CCT6B: variants seen among roughly 807,000 people sequenced by gnomAD.
The protein encoded by CCT6B is chaperonin containing TCP1 subunit 6B, also known as probable T-complex protein 1 subunit zeta-2.
In CCT6B, 49 loss-of-function variants were observed where a neutral mutation model predicts 61.5. The ratio of observed to expected loss-of-function variants is 0.80; its 90% CI spans 0.63 to 1.01. CCT6B has a LOEUF of 1.01. Among genes scored for constraint, CCT6B ranks in the 50% least tolerant of loss-of-function variants. The pLI is 0.00. For synonymous variants in CCT6B, 228 were observed against 214.5 expected (o/e 1.06, Z -0.55); for missense variants, 666 against 634.7 (o/e 1.05, Z -0.53).
At chr17:34,961,195 G>C (rs762826284) in intron 1 of CCT6B, 62 bp downstream of exon 1, 1 of 1,533,664 alleles carries the variant, frequency 6.5e-7, no homozygotes, top group Admixed American at 2.0e-5. Context: ...GCCTGCCTCA[G>C]AGGGCGACAG....
At chr17:34,952,893 T>C (rs1197231322) in intron 4 of CCT6B, among the ~76,000 whole-genome samples, 1 of 152,232 alleles carries the variant, frequency 6.6e-6, no homozygotes, top group Admixed American at 6.5e-5. Context: ...AGAATATCAC[T>C]GTTTCTGTAA....
chr17:34,930,318 C>T (rs1198366868), intron 12 of CCT6B, among the ~76,000 whole-genome samples: 3 of 152,112 alleles, frequency 2.0e-5, no homozygotes, highest in African/African-American at 7.2e-5. Flanking sequence ...CAAAATTGCT[C>T]CCTGCTCCTC....
chr17:34,938,281 A>G (rs2090117238), intron 10 of CCT6B, among the ~76,000 whole-genome samples: 1 of 152,140 alleles, frequency 6.6e-6, no homozygotes, highest in African/African-American at 2.4e-5. Context: ...GATGCTCAAC[A>G]TGGGCTGAAT....
intron 4 of CCT6B, among the ~76,000 whole-genome samples, chr17:34,953,814 C>T (rs1271082944): frequency 6.6e-6 from 1 of 151,784 alleles, no homozygotes; most frequent in South Asian, 2.1e-4. Flanking sequence ...ATTAGCCAGG[C>T]GTGGTGGCAC....
chr17:34,958,529 A>T, intron 3 of CCT6B, 31 bp downstream of exon 3: 1 of 1,376,980 alleles, frequency 7.3e-7, no homozygotes, highest in Non-Finnish European at 9.6e-7. Context: ...TTGCCATTCA[A>T]AATAACATAT....
Position 34,928,132 on chromosome 17 carries a change from G to A in CCT6B, c.1524-15C>T, listed in dbSNP as rs373112602. ...CAATCACTGTGCTAAGGAAAAAGAT[G>A]AGAGGGTGAGTAAAGCCTACTAACC... On this transcript the variant is annotated splice_polypyrimidine_tract_variant and intron_variant, in intron 13 of 13. Coordinates refer to ENST00000314144, the MANE Select transcript of CCT6B (RefSeq NM_006584.4). 5.5e-5 allele frequency: 87 copies of A among 1,587,714 alleles called. 1 individual carries two copies. Among genetic ancestry groups the A allele is most frequent in the East Asian group, 6.8e-5 (3 of 44,392 alleles).
chr17:34,933,639 T>G (rs113457777), intron 10 of CCT6B, among the ~76,000 whole-genome samples: 1 of 152,198 alleles, frequency 6.6e-6, no homozygotes, highest in Non-Finnish European at 1.5e-5. Flanking sequence ...AATGTATCCA[T>G]GTACCTACCA....
At chr17:34,949,104 A>AAGAAAAGAAT (rs1567670657) in intron 5 of CCT6B, among the ~76,000 whole-genome samples, 3 of 69,982 alleles carry the variant, frequency 4.3e-5, no homozygotes, top group Non-Finnish European at 3.3e-5. Context: ...GGGAAAAGAA[A>AAGAAAAGAAT]AGAGAAAAGA....
intron 10 of CCT6B, among the ~76,000 whole-genome samples, chr17:34,932,809 T>G (rs537956906): frequency 3.3e-5 from 5 of 151,992 alleles, no homozygotes; most frequent in Non-Finnish European, 7.4e-5. Flanking sequence ...TGAGATGGAG[T>G]TTTACTCCAT....
intron 3 of CCT6B, among the ~76,000 whole-genome samples, chr17:34,956,973 AT>A (rs113973307): frequency 0.032 from 4,664 of 147,940 alleles, 88 homozygotes; most frequent in East Asian, 0.099. Flanking sequence ...ACCAAGCCTA[AT>A]TTTTTTTTAT....
chr17:34,931,593 C>T (rs1214090047), intron 11 of CCT6B, among the ~76,000 whole-genome samples: 2 of 152,100 alleles, frequency 1.3e-5, no homozygotes, highest in Admixed American at 1.3e-4. Context: ...GAAAAAGGTA[C>T]CACCAATGTA....
intron 11 of CCT6B, 26 bp from the exon 12 acceptor site, chr17:34,931,077 T>A (rs997027655): frequency 2.6e-6 from 2 of 782,518 alleles, no homozygotes; most frequent in African/African-American, 1.8e-5. Context: ...TAATAATATA[T>A]ATTATATATA....
chr17:34,956,331 C>A (rs2090347165), intron 3 of CCT6B, among the ~76,000 whole-genome samples: 1 of 152,188 alleles, frequency 6.6e-6, no homozygotes, highest in African/African-American at 2.4e-5. Flanking sequence ...ACCCCTTGCT[C>A]TTTTGTCTGG....
At chr17:34,946,060 G>T (rs1465839990) in intron 5 of CCT6B, among the ~76,000 whole-genome samples, 1 of 152,162 alleles carries the variant, frequency 6.6e-6, no homozygotes, top group East Asian at 1.9e-4. Flanking sequence ...GAACCACAAA[G>T]GGCTACATAC....
chr17:34,939,602 C>T lies in CCT6B; in HGVS notation c.1065+15G>A, dbSNP rs760714484. ...TAGTATTCACTTTATAACCACTGTT[C>T]ATAGAAATACTCACTAATGTATACT... On this transcript the variant is annotated intron_variant, in intron 9 of 13. Coordinates refer to ENST00000314144, the MANE Select transcript of CCT6B (RefSeq NM_006584.4). 1 of 1,482,848 alleles carries T rather than the reference C, an allele frequency of 6.7e-7. No homozygotes were observed. The highest frequency in any genetic ancestry group is 1.7e-5 in the Admixed American group (1 of 59,676). 91.9% of individuals were successfully genotyped at this position (1,482,848 alleles called of 1,614,324 possible).
At chr17:34,960,560 ACTCTACCACATCCGT>A (rs1326934026) in intron 1 of CCT6B, among the ~76,000 whole-genome samples, 3 of 151,980 alleles carry the variant, frequency 2.0e-5, no homozygotes, top group Non-Finnish European at 2.9e-5. Context: ...AGCACATCCT[ACTCTACCACATCCGT>A]CTCTACCACA....
chr17:34,940,738 G>A (rs2090154007), intron 7 of CCT6B, 117 bp from the exon 8 acceptor site: 1 of 441,494 alleles, frequency 2.3e-6, no homozygotes, highest in Non-Finnish European at 4.0e-6. Context: ...AAAAGCTTTT[G>A]TTTATGTAAG....
intron 5 of CCT6B, chr17:34,949,594 A>G (rs1381564184): frequency 6.6e-6 from 1 of 152,138 alleles, no homozygotes; most frequent in Admixed American, 6.6e-5. Context: ...ACATGTAAAG[A>G]TTTTTTAAAT....
At chr17:34,952,763 T>G (rs1026699587) in intron 4 of CCT6B, among the ~76,000 whole-genome samples, 1 of 152,190 alleles carries the variant, frequency 6.6e-6, no homozygotes, top group East Asian at 1.9e-4. Flanking sequence ...GGCTAAGTTA[T>G]AACTACCCTA....
Sources: gnomAD v4.1 joint callset for allele counts (sites outside exome capture counted in the v4.1 genomes callset) on GRCh38, gnomAD v4.1.1 for gene constraint, MANE v1.5 for transcripts, NCBI Gene and HGNC (gene_info 2026-07-23, HGNC 2026-07-21) for gene names.